The following MAGI2 variants were observed in gnomAD, a reference collection of about 807,000 sequenced individuals.
MAGI2 encodes the protein membrane-associated guanylate kinase, WW and PDZ domain-containing protein 2.
Under a neutral mutation model 133.3 loss-of-function variants are expected in MAGI2, and 35 were observed. The observed-to-expected ratio is 0.26, with a 90% CI of 0.20 to 0.35. The LOEUF is 0.35. Ranked by LOEUF, MAGI2 falls within the 10% of genes least tolerant of loss-of-function variation. The probability of loss-of-function intolerance (pLI) is 1.00; values close to 1 mark genes in which losing one functional copy is unlikely to be tolerated. For synonymous variants in MAGI2, 729 were observed against 710.6 expected, an observed-to-expected ratio of 1.03 and a Z score of -0.41; for missense variants, 1,636 against 1,863.4, an observed-to-expected ratio of 0.88 and a Z score of 2.25.
chr7:78,995,664 A>G (rs951540456), intron 2 of MAGI2, among the ~76,000 whole-genome samples: 1 of 152,156 alleles, frequency 6.6e-6, no homozygotes, highest in African/African-American at 2.4e-5. Context: ...TAATAGTCTA[A>G]TCTATTTAAT....
At chr7:78,072,819 C>T (rs148362670) in intron 21 of MAGI2, 2 of 397,656 alleles carry the variant, frequency 5.0e-6, no homozygotes, top group South Asian at 1.4e-4. Flanking sequence ...AGGAGTATGC[C>T]ACCACGCTTG....
chr7:78,358,527 G>A (rs34992850), intron 7 of MAGI2: 45,862 of 154,762 alleles, frequency 0.3, 7,287 homozygotes, highest in Middle Eastern at 0.4. Context: ...GGCCCCCAGC[G>A]CATCTTTTGG....
intron 1 of MAGI2, chr7:79,413,952 T>C (rs992676753): frequency 5.9e-5 from 9 of 152,156 alleles, no homozygotes; most frequent in African/African-American, 1.9e-4. Flanking sequence ...ACAAAGGCTA[T>C]AAAATATATG....
intron 2 of MAGI2, among the ~76,000 whole-genome samples, chr7:78,830,571 G>A (rs1353747156): frequency 6.6e-6 from 1 of 151,860 alleles, no homozygotes; most frequent in Non-Finnish European, 1.5e-5. Context: ...TTGTATTCTG[G>A]TTAAAATAAT....
At chr7:78,142,311 T>G (rs1822843391) in intron 16 of MAGI2, among the ~76,000 whole-genome samples, 1 of 152,160 alleles carries the variant, frequency 6.6e-6, no homozygotes, top group Non-Finnish European at 1.5e-5. Context: ...TATTTCTTCC[T>G]TGCGCCACTC....
chr7:78,757,938 A>G (rs530607387), intron 2 of MAGI2, among the ~76,000 whole-genome samples: 7 of 152,118 alleles, frequency 4.6e-5, no homozygotes, highest in Non-Finnish European at 8.8e-5. Flanking sequence ...CCAGCTGCCT[A>G]CTTGACCAGT....
intron 2 of MAGI2, among the ~76,000 whole-genome samples, chr7:78,949,251 C>G (rs1213355789): frequency 1.3e-5 from 2 of 152,044 alleles, no homozygotes; most frequent in Non-Finnish European, 2.9e-5. Context: ...GGCATAATGC[C>G]TGATGTCTAG....
intron 9 of MAGI2, among the ~76,000 whole-genome samples, chr7:78,318,591 C>A (rs1488846256): frequency 6.6e-6 from 1 of 152,092 alleles, no homozygotes; most frequent in Non-Finnish European, 1.5e-5. Flanking sequence ...CAAGACAAGC[C>A]AACATTCAAA....
rs143292146 is a variant in MAGI2 at position 78,965,565 on chromosome 7, C to T, written c.418+41525G>A. Among the ~76,000 whole-genome samples the T allele has an allele frequency of 5.4e-3, 826 of 151,750 alleles. 5 individuals carry two copies. The highest frequency in any genetic ancestry group is 0.019 in the African/African-American group (786 of 41,460). On this transcript the variant is annotated intron_variant, in intron 2 of 21. Transcript: ENST00000354212. ...CCTAGAGATTTTTTTTTCATTTTTACTTAGCTGTTCTCCTAGGAAATCAGA... is the reference window on the plus strand; with the variant it reads ...CCTAGAGATTTTTTTTTCATTTTTATTTAGCTGTTCTCCTAGGAAATCAGA...
intron 2 of MAGI2, among the ~76,000 whole-genome samples, chr7:78,949,780 T>C (rs1157866389): frequency 1.3e-5 from 2 of 152,206 alleles, no homozygotes; most frequent in African/African-American, 4.8e-5. Context: ...GTGACAGCCA[T>C]GAAGGTGCAT....
intron 2 of MAGI2, among the ~76,000 whole-genome samples, chr7:78,884,770 C>G (rs890986141): frequency 6.6e-6 from 1 of 151,752 alleles, no homozygotes; most frequent in Non-Finnish European, 1.5e-5. Flanking sequence ...GGGGATCTCT[C>G]AAAGAACTAA....
At chr7:78,680,086 A>G (rs1424594665) in intron 2 of MAGI2, among the ~76,000 whole-genome samples, 1 of 152,186 alleles carries the variant, frequency 6.6e-6, no homozygotes, top group Non-Finnish European at 1.5e-5. Flanking sequence ...ACAACTAGAT[A>G]TGTATATTTG....
intron 1 of MAGI2, among the ~76,000 whole-genome samples, chr7:79,193,336 C>T (rs1827825840): frequency 6.6e-6 from 1 of 151,928 alleles, no homozygotes; most frequent in South Asian, 2.1e-4. Flanking sequence ...TTCAGTTCTT[C>T]CTTACTCATC....
chr7:79,271,654 A>G (rs934373327), intron 1 of MAGI2, among the ~76,000 whole-genome samples: 1 of 137,576 alleles, frequency 7.3e-6, no homozygotes, highest in Non-Finnish European at 1.5e-5. Flanking sequence ...GATGCTTGCT[A>G]TGGTGTGAGT....
At chr7:78,929,419 A>G (rs182971587) in intron 2 of MAGI2, among the ~76,000 whole-genome samples, 3 of 152,198 alleles carry the variant, frequency 2.0e-5, no homozygotes, top group African/African-American at 4.8e-5. Flanking sequence ...ATAGCATAAA[A>G]CAACACTGAT....
chr7:78,143,718 C>T (rs2189798), intron 16 of MAGI2, among the ~76,000 whole-genome samples: 40,122 of 151,922 alleles, frequency 0.26, 5,480 homozygotes, highest in African/African-American at 0.32. Flanking sequence ...ATGTCATTCC[C>T]AAACTAACCT....
At chr7:78,068,969 A>G (rs926521205) in intron 21 of MAGI2, among the ~76,000 whole-genome samples, 1 of 152,232 alleles carries the variant, frequency 6.6e-6, no homozygotes, top group South Asian at 2.1e-4. Flanking sequence ...TAATAGGTCC[A>G]GCTGAGAGGT....
intron 1 of MAGI2, among the ~76,000 whole-genome samples, chr7:79,308,365 T>C (rs1837989771): frequency 1.3e-5 from 1 of 74,982 alleles, no homozygotes; most frequent in Admixed American, 1.4e-4. Flanking sequence ...AGAAGGTGTA[T>C]AGCTTCTCTT....
At chr7:78,584,425 A>G (rs1352610042) in intron 3 of MAGI2, among the ~76,000 whole-genome samples, 3 of 67,852 alleles carry the variant, frequency 4.4e-5, no homozygotes, top group Non-Finnish European at 8.7e-5. Flanking sequence ...GTCTCAGAAA[A>G]AAAAAAAAAA....
Sources: allele counts gnomAD v4.1 joint callset (sites outside exome capture counted in the v4.1 genomes callset), GRCh38; gene constraint gnomAD v4.1.1; transcripts MANE v1.5; gene names NCBI Gene and HGNC (gene_info 2026-07-23, HGNC 2026-07-21).